Variants in COL12A1 observed in about 807,000 individuals in gnomAD.
The protein encoded by COL12A1 is collagen alpha-1(XII) chain.
In COL12A1, 114 loss-of-function variants were observed where a neutral mutation model predicts 349.7. The ratio of observed to expected loss-of-function variants is 0.33; its 90% CI spans 0.28 to 0.38. The LOEUF (loss-of-function observed/expected upper bound fraction) is 0.38. Ranked by LOEUF, COL12A1 falls within the 10% of genes least tolerant of loss-of-function variation. The probability of loss-of-function intolerance (pLI) is 1.00; values close to 1 mark genes in which losing one functional copy is unlikely to be tolerated. For synonymous variants in COL12A1, 1,369 were observed against 1,329.0 expected (o/e 1.03, Z -0.66); for missense variants, 3,284 against 3,756.9 (o/e 0.87, Z 3.29).
In COL12A1 at chr6:75,105,261, T is replaced by C; in HGVS notation, c.8210A>G (p.Asn2737Ser). 6.2e-7 allele frequency: 1 copy of C among 1,613,844 alleles called. No homozygotes were observed. Among genetic ancestry groups the C allele is most frequent in the Non-Finnish European group, 8.5e-7 (1 of 1,179,858 alleles). Residue 2737 changes from asparagine to serine, a missense_variant, in exon 54 of 66, where the codon AAT becomes AGT. By Grantham distance (46) the Asn-to-Ser change is conservative (BLOSUM62 1). Coordinates refer to ENST00000322507, the MANE Select transcript of COL12A1 (RefSeq NM_004370.6). ...RDEGKCPAFP[N>S]SCTCTQDSVG... ...GCTGTCCTGTGTACATGTGCAAGAA[T>C]TTGGAAAAGCAGGGCATTTTCCCTC...
chr6:75,128,386 G>C lies in COL12A1; in HGVS notation c.6250C>G (p.Pro2084Ala). The change falls in exon 38 of 66, where the codon CCC becomes GCC. Residue 2084 changes from proline (P) to alanine (A), a missense_variant. By Grantham distance (27) the Pro-to-Ala change is conservative. This residue lies in a region of COL12A1 where 2,601 missense variants were observed against 2,824.8 expected (regional missense o/e 0.92). Coordinates refer to ENST00000322507, the MANE Select transcript of COL12A1 (RefSeq NM_004370.6). ...TTATATGGAGTGTCAGGTTGCAGGG[G>C]CTGCAGTATTACATTGTTTCTTCTG... ...PGRRNNVILQ[P>A]LQPDTPYKIT... The C allele has an allele frequency of 6.2e-7, 1 of 1,608,290 alleles. No individual in the cohort carries two copies. The highest frequency in any genetic ancestry group is 1.1e-5 in the South Asian group (1 of 89,902).
chr6:75,167,089 C>T (rs558685065), intron 13 of COL12A1, among the ~76,000 whole-genome samples: 5 of 152,126 alleles, frequency 3.3e-5, no homozygotes, highest in Non-Finnish European at 7.4e-5. Flanking sequence ...TTACCCTCAG[C>T]TCTTGAGGTT....
intron 52 of COL12A1, among the ~76,000 whole-genome samples, chr6:75,107,467 T>C (rs1402369154): frequency 6.6e-6 from 1 of 151,870 alleles, no homozygotes; most frequent in African/African-American, 2.4e-5. Context: ...GACGGGGTCT[T>C]ACCATGCTGG....
intron 7 of COL12A1, among the ~76,000 whole-genome samples, 170 bp downstream of exon 7, chr6:75,189,047 T>C (rs1327998564): frequency 1.3e-5 from 2 of 152,082 alleles, no homozygotes; most frequent in Admixed American, 1.3e-4. Context: ...GGGAAATAGA[T>C]AAGCAGAATT....
intron 14 of COL12A1, among the ~76,000 whole-genome samples, chr6:75,164,780 G>A (rs895530598): frequency 5.9e-5 from 9 of 151,978 alleles, no homozygotes; most frequent in African/African-American, 2.2e-4. Flanking sequence ...AGTGAATTAA[G>A]ATATCCTGAC....
chr6:75,130,907 A>G lies in COL12A1; in HGVS notation c.6012T>C (p.Leu2004=). 1 of 1,614,090 alleles carries G rather than the reference A, an allele frequency of 6.2e-7. No homozygotes were observed. Among genetic ancestry groups the G allele is most frequent in the Non-Finnish European group, 8.5e-7 (1 of 1,179,984 alleles). Residue 2004 remains leucine (L), a synonymous_variant, in exon 36 of 66, where the codon CTT becomes CTC. Coordinates refer to ENST00000322507, the MANE Select transcript of COL12A1 (RefSeq NM_004370.6). ...LIPDTLYSVN[L]VALYSDGEGN... ...CCTCTCCATCCGAGTACAGAGCCAC[A>G]AGGTTCACGGAATAGAGTGTGTCCG...
intron 11 of COL12A1, among the ~76,000 whole-genome samples, chr6:75,178,897 C>T (rs901965790): frequency 3.9e-5 from 6 of 152,156 alleles, no homozygotes; most frequent in Admixed American, 2.6e-4. Context: ...AGTTGGCCAA[C>T]TTACACCCAT....
Position 75,143,178 on chromosome 6 carries a change from T to C in COL12A1, c.4827+74A>G, listed in dbSNP as rs1172394288. On this transcript the variant is annotated intron_variant, in intron 26 of 65. Coordinates refer to ENST00000322507, the MANE Select transcript of COL12A1 (RefSeq NM_004370.6). ...AGTATTCAAAACATGCTATCATCCA[T>C]ACTTGATAAAGTTCTTTTTTTAAAC... 3.9e-6 allele frequency: 6 copies of C among 1,537,012 alleles called. No homozygotes were observed. The South Asian group carries it at 5.7e-5, about 15-fold the overall frequency.
intron 27 of COL12A1, among the ~76,000 whole-genome samples, chr6:75,139,269 C>T (rs1317703004): frequency 6.6e-6 from 1 of 152,212 alleles, no homozygotes; most frequent in East Asian, 1.9e-4. Flanking sequence ...ACACAATACA[C>T]AAAGCACAAA....
chr6:75,126,233 A>T (rs1170230469), intron 39 of COL12A1, 118 bp downstream of exon 39: 1 of 1,189,026 alleles, frequency 8.4e-7, no homozygotes, highest in Non-Finnish European at 1.1e-6. Context: ...TGGTTACAGG[A>T]AACTTGGTGT....
At chr6:75,100,069 CAGGCTGTGA>C (rs1562111035) in intron 58 of COL12A1, among the ~76,000 whole-genome samples, 1 of 152,216 alleles carries the variant, frequency 6.6e-6, no homozygotes, top group Non-Finnish European at 1.5e-5. Flanking sequence ...GGTAGGTACA[CAGGCTGTGA>C]AGGAAAAGGG....
intron 64 of COL12A1, 146 bp from the exon 65 acceptor site, chr6:75,087,893 C>T: frequency 1.2e-6 from 1 of 851,082 alleles, no homozygotes; most frequent in Non-Finnish European, 1.8e-6. Flanking sequence ...TTAAGAAATA[C>T]CCAATATGAA....
chr6:75,150,211 GA>G (rs1353241557), intron 21 of COL12A1, among the ~76,000 whole-genome samples: 1 of 151,978 alleles, frequency 6.6e-6, no homozygotes, highest in Admixed American at 6.6e-5. Context: ...CACATAATAA[GA>G]GCCATAATTT....
chr6:75,189,089 T>TAC, intron 7 of COL12A1, 128 bp downstream of exon 7: 1 of 1,012,334 alleles, frequency 9.9e-7, no homozygotes, highest in Non-Finnish European at 1.4e-6. Flanking sequence ...TCTTTAATAT[T>TAC]ACACTATAAA....
rs1294547433 is a variant in COL12A1 at position 75,202,763 on chromosome 6, G to T, written c.30C>A (p.Ala10=). 5 of 1,551,756 alleles carry T rather than the reference G, an allele frequency of 3.2e-6. No individual in the cohort carries two copies. The highest frequency in any genetic ancestry group is 2.4e-5 in the East Asian group (1 of 40,944). MRSRLPPAL[A]ALGAALLLSS... is the part of the protein sequence containing the mutation. ...ACAGGAGCAGGGCCGCGCCCAGGGC[G>T]GCAAGCGCTGGGGGAAGCCTACTCC... Residue 10 remains alanine (A), a synonymous_variant, in exon 2 of 66, where the codon GCC becomes GCA. Transcript: ENST00000322507.
At position 75,192,160 on chromosome 6, in the gene COL12A1, C is replaced by A. The variant is rs1769963837; in HGVS notation, c.334+52G>T. On this transcript the variant is annotated intron_variant, in intron 4 of 65. Coordinates refer to ENST00000322507, the MANE Select transcript of COL12A1 (RefSeq NM_004370.6). ...AAGATTAAATCTGAAGTTGGAAAAA[C>A]CTTCTGCAAAATAAAAATTATACAA... is the stretch of plus-strand genomic sequence containing the variant. The A allele has an allele frequency of 5.9e-6, 8 of 1,360,852 alleles. No homozygotes were observed. The East Asian group carries it at 2.1e-4, about 36-fold the overall frequency. 84.3% of individuals were successfully genotyped at this position (1,360,852 alleles called of 1,614,324 possible). A position where few individuals can be genotyped will look rare whatever the true frequency, so the allele number is the denominator to read the frequency against.
chr6:75,114,180 A>G lies in COL12A1; in HGVS notation c.7698-436T>C, dbSNP rs182759307. On this transcript the variant is annotated intron_variant, in intron 49 of 65. Coordinates refer to ENST00000322507, the MANE Select transcript of COL12A1 (RefSeq NM_004370.6). ...TCTTACTAAATATACTTAATTTCCA[A>G]TGTCAGCTGTATGAGATCATAAAAT... Among the ~76,000 whole-genome samples the G allele has an allele frequency of 6.1e-4, 93 of 152,018 alleles. No homozygotes were observed. The East Asian group carries it at 0.015, about 24-fold the overall frequency.
intron 64 of COL12A1, among the ~76,000 whole-genome samples, chr6:75,088,544 C>T (rs1426324768): frequency 1.3e-5 from 2 of 151,526 alleles, no homozygotes; most frequent in Non-Finnish European, 2.9e-5. Flanking sequence ...AATAGTAACC[C>T]TTTGTGTCAC....
Position 75,146,121 on chromosome 6 carries a change from T to A in COL12A1, c.4541A>T (p.Glu1514Val), listed in dbSNP as rs1299395258. Residue 1514 changes from glutamate (E) to valine (V), a missense_variant, in exon 24 of 66, where the codon GAG (glutamate) becomes GTG (valine). By Grantham distance (121) the Glu-to-Val change is moderately radical (BLOSUM62 -2). Transcript: ENST00000322507. ...ILSYKPVKDT[E>V]PTRPKEVRLG... Reference sequence around the variant, plus strand: ...TTTCACCTCTTTGGGTCTTGTTGGCTCTGTGTCCTTAACAGGTTTGTATGA... The same window carrying A: ...TTTCACCTCTTTGGGTCTTGTTGGCACTGTGTCCTTAACAGGTTTGTATGA... 6.2e-7 allele frequency: 1 copy of A among 1,605,920 alleles called. No individual in the cohort carries two copies. The highest frequency in any genetic ancestry group is 8.5e-7 in the Non-Finnish European group (1 of 1,176,986).
Sources: gnomAD v4.1 joint callset for allele counts (sites outside exome capture counted in the v4.1 genomes callset) on GRCh38, gnomAD v4.1.1 for gene constraint, gnomAD v4.1.1 regional missense constraint, MANE v1.5 for transcripts, NCBI Gene and HGNC (gene_info 2026-07-23, HGNC 2026-07-21) for gene names.